The following C1orf115 variants were observed in gnomAD, a reference collection of about 807,000 sequenced individuals.
C1orf115 encodes required for drug-induced death protein 1.
A neutral mutation model predicts 12.5 loss-of-function variants in C1orf115; 14 were observed. The observed-to-expected ratio is 1.12, with a 90% confidence interval of 0.74 to 1.75. The LOEUF is 1.75. C1orf115 is among the 40% of genes most tolerant of loss of function. C1orf115 has a pLI of 0.00. For missense variants in C1orf115, 237 were observed against 220.8 expected (o/e 1.07, Z -0.46); for synonymous variants, 109 against 104.6 (o/e 1.04, Z -0.26).
chr1:220,695,500 T>TG (rs1367376915), intron 1 of C1orf115, among the ~76,000 whole-genome samples: 10 of 146,674 alleles, frequency 6.8e-5, no homozygotes, highest in Non-Finnish European at 1.3e-4. Flanking sequence ...CTGGGTTTTT[T>TG]TTTTTTTTTT....
Position 220,693,903 on chromosome 1 carries a change from C to A in C1orf115, c.310-2709C>A, listed in dbSNP as rs367786834. ...AAACCAGACTGACGAACATGGTGAA[C>A]CCTGTCTCTACTAAAAATACAAAAA... On this transcript the variant is annotated intron_variant, in intron 1 of 1. Transcript: ENST00000294889. 1.8e-4 allele frequency among the ~76,000 whole-genome samples: 27 copies of A among 152,034 alleles called. No individual in the cohort carries two copies. The East Asian group carries it at 3.3e-3, about 18-fold the overall frequency.
At chr1:220,691,931 C>T (rs1215275213) in intron 1 of C1orf115, among the ~76,000 whole-genome samples, 1 of 152,140 alleles carries the variant, frequency 6.6e-6, no homozygotes, top group Non-Finnish European at 1.5e-5. Flanking sequence ...CCCCCGCCCC[C>T]GGGGGGGCTT....
In C1orf115 at chr1:220,696,777, GC is replaced by G. The variant is rs1251567354; in HGVS notation, c.*47del. The G allele has an allele frequency of 1.3e-6, 2 of 1,540,744 alleles. No homozygotes were observed. Among genetic ancestry groups the G allele is most frequent in the East Asian group, 2.3e-5 (1 of 43,568 alleles). On this transcript the variant is annotated 3_prime_UTR_variant, in exon 2 of 2. Coordinates refer to ENST00000294889, the MANE Select transcript of C1orf115 (RefSeq NM_024709.5). ...GCCCCCAGAGTGAACGGGAGCCCCT[GC>G]TGTGGGAACTTTGTGAATCCTGGAG... is the stretch of plus-strand genomic sequence containing the variant.
At position 220,694,136 on chromosome 1, in the gene C1orf115, G is replaced by C. The variant is rs115648406; in HGVS notation, c.310-2476G>C. On this transcript the variant is annotated intron_variant, in intron 1 of 1. Coordinates refer to ENST00000294889, the MANE Select transcript of C1orf115 (RefSeq NM_024709.5). ...AAGCCAGAAGTCATAGGAAATTATA[G>C]TCTTAAGAAACTTTCCCAAACAGAC... 9.8e-3 allele frequency among the ~76,000 whole-genome samples: 1,390 copies of C among 141,120 alleles called. 15 individuals carry two copies. Among genetic ancestry groups the C allele is most frequent in the African/African-American group, 0.033 (1,279 of 38,588 alleles). 92.6% of individuals were successfully genotyped at this position (141,120 alleles called of 152,430 possible). A position where few individuals can be genotyped will look rare whatever the true frequency, so the allele number is the denominator to read the frequency against.
rs1210965969 is a variant in C1orf115 at position 220,698,106 on chromosome 1, C to G, written c.*1375C>G. The G allele has an allele frequency of 1.3e-5, 2 of 152,760 alleles. No homozygotes were observed. Among genetic ancestry groups the G allele is most frequent in the African/African-American group, 4.8e-5 (2 of 41,456 alleles). The allele number at this position is 152,760 out of a possible 1,614,324, so 9.5% of individuals were successfully genotyped here. On this transcript the variant is annotated 3_prime_UTR_variant, in exon 2 of 2. Transcript: ENST00000294889. ...GAAAGGAGGTCCTCTTACCATACCCCTCTGCCAACCCCCCAGTAGGCCACT... is the reference window on the plus strand; with the variant it reads ...GAAAGGAGGTCCTCTTACCATACCCGTCTGCCAACCCCCCAGTAGGCCACT...
intron 1 of C1orf115, 109 bp downstream of exon 1, chr1:220,690,820 TGCGACCCCTCCGCCCCC>T: frequency 2.3e-6 from 3 of 1,281,190 alleles, no homozygotes; most frequent in Middle Eastern, 2.8e-4. Context: ...GGGCTGCACC[TGCGACCCCTCCGCCCCC>T]GCTCCCATTC....
intron 1 of C1orf115, among the ~76,000 whole-genome samples, chr1:220,693,099 C>A (rs1428390459): frequency 6.6e-6 from 1 of 152,164 alleles, no homozygotes; most frequent in Non-Finnish European, 1.5e-5. Context: ...CCTCTTTGTT[C>A]CCCGAGACCC....
Position 220,690,363 on chromosome 1 carries a change from G to T in C1orf115, c.-40G>T. The T allele has an allele frequency of 7.3e-7, 1 of 1,368,432 alleles. No individual in the cohort carries two copies. The highest frequency in any genetic ancestry group is 9.4e-7 in the Non-Finnish European group (1 of 1,067,660). The allele number at this position is 1,368,432 out of a possible 1,614,324, so 84.8% of individuals were successfully genotyped here. A position where few individuals can be genotyped will look rare whatever the true frequency, so the allele number is the denominator to read the frequency against. On this transcript the variant is annotated 5_prime_UTR_variant, in exon 1 of 2. Transcript: ENST00000294889. ...GAGCGGGCGGGGACCAAAGGTTGGT[G>T]TCTTTGCGCTCGGACCTTCGCCAGA...
At chr1:220,694,729 A>G (rs1670163824) in intron 1 of C1orf115, among the ~76,000 whole-genome samples, 1 of 152,206 alleles carries the variant, frequency 6.6e-6, no homozygotes. Context: ...GGGTCTTCAA[A>G]AAGTGGAGAT....
At position 220,690,606 on chromosome 1, in the gene C1orf115, G is replaced by A. The variant is rs759881686; in HGVS notation, c.204G>A (p.Arg68=). The A allele has an allele frequency of 2.7e-4, 413 of 1,531,036 alleles. No homozygotes were observed. The highest frequency in any genetic ancestry group is 3.0e-4 in the Non-Finnish European group (345 of 1,142,288). The allele number at this position is 1,531,036 out of a possible 1,614,324, so 94.8% of individuals were successfully genotyped here. A position where few individuals can be genotyped will look rare whatever the true frequency, so the allele number is the denominator to read the frequency against. ...GCCCGGGGACCCGGGGCGCGCGGAG[G>A]GTGCACTTCGCCCTCCTGCCCGAGC... ...ERGPGTRGAR[R]VHFALLPERY... is the part of the protein sequence containing the mutation. The change falls in exon 1 of 2, where the codon AGG becomes AGA. Residue 68 remains arginine (R), a synonymous_variant. Transcript: ENST00000294889.
At chr1:220,690,734 G>C (rs1263678323) in intron 1 of C1orf115, 23 bp downstream of exon 1, 1 of 1,560,682 alleles carries the variant, frequency 6.4e-7, no homozygotes, top group Non-Finnish European at 8.7e-7. Flanking sequence ...CGCCACCACT[G>C]CCCGGGGGGC....
At chr1:220,691,234 G>C (rs115582863) in intron 1 of C1orf115, among the ~76,000 whole-genome samples, 183 of 152,206 alleles carry the variant, frequency 1.2e-3, no homozygotes, top group African/African-American at 4.3e-3. Flanking sequence ...GGCGCTCGTT[G>C]AATTTTTCTC....
At position 220,697,890 on chromosome 1, in the gene C1orf115, G is replaced by T; in HGVS notation, c.*1159G>T. On this transcript the variant is annotated 3_prime_UTR_variant, in exon 2 of 2. Transcript: ENST00000294889. The surrounding 1 kb of genome is among the most constrained non-coding windows in gnomAD (Gnocchi z 4.5). The stretch of plus-strand genomic sequence containing the variant: ...AGGTAGGGACAAGGGAGGCTGGGTA[G>T]CCAGGGCTGGTGCTTAAAACCCCTG... The T allele has an allele frequency of 6.5e-6, 1 of 153,080 alleles. No individual in the cohort carries two copies. 9.5% of individuals were successfully genotyped at this position (153,080 alleles called of 1,614,324 possible).
rs1328180952 is a variant in C1orf115, at chr1:220,697,633, C to T, written c.*902C>T. 2 of 152,354 alleles carry T rather than the reference C, an allele frequency of 1.3e-5. No individual in the cohort carries two copies. The highest frequency in any genetic ancestry group is 2.9e-5 in the Non-Finnish European group (2 of 68,166). The allele number at this position is 152,354 out of a possible 1,614,324, so 9.4% of individuals were successfully genotyped here. ...ATTGGCTCAGCTCCTCTCTGCCAGT[C>T]CAACTAAGAGTGCTTTGTCCTGGGT... On this transcript the variant is annotated 3_prime_UTR_variant, in exon 2 of 2. Transcript: ENST00000294889. The surrounding 1 kb of genome is among the most constrained non-coding windows in gnomAD (Gnocchi z 4.5).
In C1orf115 at chr1:220,698,635, A is replaced by G. The variant is rs560824290; in HGVS notation, c.*1904A>G. On this transcript the variant is annotated 3_prime_UTR_variant, in exon 2 of 2. Transcript: ENST00000294889. ...GCTGACGAGCCCCAGGCAGCCCACA[A>G]GTTTCTCGTGGGGAGATGGAGGCAG... The G allele has an allele frequency of 1.3e-5, 2 of 152,344 alleles. No individual in the cohort carries two copies. The highest frequency in any genetic ancestry group is 2.4e-5 in the African/African-American group (1 of 41,580). The allele number at this position is 152,344 out of a possible 1,614,324, so 9.4% of individuals were successfully genotyped here.
In C1orf115 at chr1:220,696,948, C is replaced by T; in HGVS notation, c.*217C>T. 1.9e-6 allele frequency: 1 copy of T among 519,054 alleles called. No homozygotes were observed. Among genetic ancestry groups the T allele is most frequent in the Non-Finnish European group, 3.0e-6 (1 of 329,954 alleles). 32.2% of individuals were successfully genotyped at this position (519,054 alleles called of 1,614,324 possible). A position where few individuals can be genotyped will look rare whatever the true frequency, so the allele number is the denominator to read the frequency against. ...GTCACACGTGGACCCAGTGGTCAAT[C>T]CTGCAGAGAATTCGGCGGAGGTTAG... On this transcript the variant is annotated 3_prime_UTR_variant, in exon 2 of 2. Coordinates refer to ENST00000294889, the MANE Select transcript of C1orf115 (RefSeq NM_024709.5).
At chr1:220,694,053 C>G (rs1038845744) in intron 1 of C1orf115, among the ~76,000 whole-genome samples, 6 of 124,742 alleles carry the variant, frequency 4.8e-5, no homozygotes, top group Non-Finnish European at 9.4e-5. Context: ...GCACTCCAGA[C>G]TGGGCAACAA....
In C1orf115 at chr1:220,694,271, T is replaced by C. The variant is rs541634353; in HGVS notation, c.310-2341T>C. Among the ~76,000 whole-genome samples, 6 of 152,342 alleles carry C rather than the reference T, an allele frequency of 3.9e-5. No individual in the cohort carries two copies. In the South Asian group the frequency reaches 1.2e-3, roughly 32 times the overall value. On this transcript the variant is annotated intron_variant, in intron 1 of 1. Coordinates refer to ENST00000294889, the MANE Select transcript of C1orf115 (RefSeq NM_024709.5). ...AATAGCTGACATTGGGGGGCACTTA[T>C]ACTGCCTGCAGTTTGTGCCAGGCCC... is the stretch of plus-strand genomic sequence containing the variant.
chr1:220,691,393 C>G (rs954040220), intron 1 of C1orf115, among the ~76,000 whole-genome samples: 1 of 152,194 alleles, frequency 6.6e-6, no homozygotes, highest in Non-Finnish European at 1.5e-5. Context: ...GGTGTCTCTG[C>G]ATGGAAACAG....
Sources: allele counts gnomAD v4.1 joint callset (sites outside exome capture counted in the v4.1 genomes callset), GRCh38; gene constraint gnomAD v4.1.1; non-coding constraint Gnocchi (gnomAD v3.1); transcripts MANE v1.5; gene names NCBI Gene and HGNC (gene_info 2026-07-23, HGNC 2026-07-21).